ANKRD62: variants seen among roughly 807,000 people sequenced by gnomAD.
The protein encoded by ANKRD62 is ankyrin repeat domain-containing protein 62.
ANKRD62 carries 61 observed loss-of-function variants against 98.8 expected under a neutral mutation model. That is an observed-to-expected ratio of 0.62 (90% CI 0.50 to 0.76). ANKRD62 has a LOEUF of 0.76. Ranked by LOEUF, ANKRD62 falls within the 30% of genes least tolerant of loss-of-function variation. The pLI is 0.00. For synonymous variants in ANKRD62, 341 were observed against 367.9 expected (o/e 0.93, Z 0.84); for missense variants, 933 against 1,082.9 (o/e 0.86, Z 1.94).
chr18:12,135,957 C>G, the ANKRD62 span, among the ~76,000 whole-genome samples: 1 of 151,970 alleles, frequency 6.6e-6, no homozygotes, highest in Admixed American at 6.6e-5. Flanking sequence ...TTTGTCAGAT[C>G]AGTAGATTTC....
chr18:12,175,587 C>T, the ANKRD62 span, among the ~76,000 whole-genome samples: 14 of 152,090 alleles, frequency 9.2e-5, no homozygotes, highest in African/African-American at 3.1e-4. Context: ...GTGCTGGAGC[C>T]CTCTTCTAGT....
chr18:12,161,026 A>G, the ANKRD62 span, among the ~76,000 whole-genome samples: 1 of 152,126 alleles, frequency 6.6e-6, no homozygotes, highest in East Asian at 1.9e-4. Flanking sequence ...AAGTGATTCT[A>G]TTTGGTAGAA....
At chr18:12,109,588 G>A (rs148950982) in intron 8 of ANKRD62, among the ~76,000 whole-genome samples, 1 of 152,144 alleles carries the variant, frequency 6.6e-6, no homozygotes, top group South Asian at 2.1e-4. Context: ...TAAAATTGTT[G>A]TTTTTCTCAA....
intron 8 of ANKRD62, among the ~76,000 whole-genome samples, chr18:12,114,482 T>C (rs1909616132): frequency 1.3e-5 from 2 of 152,236 alleles, no homozygotes; most frequent in Non-Finnish European, 2.9e-5. Context: ...CTTAGTCTGC[T>C]ATTGAACAGT....
chr18:12,106,194 G>T (rs531525117), intron 7 of ANKRD62, among the ~76,000 whole-genome samples: 3 of 152,208 alleles, frequency 2.0e-5, no homozygotes, highest in African/African-American at 4.8e-5. Flanking sequence ...CACAACTTCC[G>T]CATGTTTCTG....
At chr18:12,127,376 G>A (rs1909913954) in intron 13 of ANKRD62, among the ~76,000 whole-genome samples, 1 of 152,176 alleles carries the variant, frequency 6.6e-6, no homozygotes, top group Non-Finnish European at 1.5e-5. Flanking sequence ...AATATGTGAA[G>A]AACTCTGAGG....
At chr18:12,155,127 A>G in the ANKRD62 span, among the ~76,000 whole-genome samples, 2 of 152,256 alleles carry the variant, frequency 1.3e-5, no homozygotes, top group African/African-American at 2.4e-5. Flanking sequence ...ATAGATGTTA[A>G]CAACAACAAA....
At chr18:12,181,037 G>A in the ANKRD62 span, among the ~76,000 whole-genome samples, 4 of 150,320 alleles carry the variant, frequency 2.7e-5, no homozygotes, top group African/African-American at 9.8e-5. Context: ...AGAACATGTG[G>A]TGTAAAACAA....
intron 8 of ANKRD62, among the ~76,000 whole-genome samples, chr18:12,114,109 A>G (rs1909607101): frequency 6.6e-6 from 1 of 152,194 alleles, no homozygotes; most frequent in Admixed American, 6.5e-5. Flanking sequence ...ACACATTGAT[A>G]GGAGCAAAAC....
At chr18:12,150,973 A>G in the ANKRD62 span, among the ~76,000 whole-genome samples, 1 of 152,238 alleles carries the variant, frequency 6.6e-6, no homozygotes, top group Non-Finnish European at 1.5e-5. Context: ...AATACCCTTC[A>G]CTAAAAAGGC....
the ANKRD62 span, among the ~76,000 whole-genome samples, chr18:12,172,756 C>T: frequency 5.1e-3 from 774 of 152,302 alleles, 4 homozygotes; most frequent in African/African-American, 0.017. Flanking sequence ...TGGGCTCCAC[C>T]CAGGTCAAAC....
chr18:12,173,902 C>T, the ANKRD62 span, among the ~76,000 whole-genome samples: 2 of 152,346 alleles, frequency 1.3e-5, no homozygotes, highest in African/African-American at 2.4e-5. Flanking sequence ...GCTGACCTTT[C>T]TCTCTAGCTG....
intron 8 of ANKRD62, among the ~76,000 whole-genome samples, chr18:12,113,114 C>T (rs1909583215): frequency 6.6e-6 from 1 of 151,918 alleles, no homozygotes; most frequent in Non-Finnish European, 1.5e-5. Flanking sequence ...AGGCTGGTCT[C>T]GAACTCCTGA....
intron 10 of ANKRD62, among the ~76,000 whole-genome samples, chr18:12,118,894 C>T (rs1909725563): frequency 6.6e-6 from 1 of 152,066 alleles, no homozygotes; most frequent in Non-Finnish European, 1.5e-5. Flanking sequence ...CAGGGTAATG[C>T]TAACATTAAA....
At chr18:12,134,616 C>T (rs146302772), downstream of ANKRD62, among the ~76,000 whole-genome samples, 280 of 152,098 alleles carry the variant, frequency 1.8e-3, no homozygotes, top group African/African-American at 6.3e-3. Context: ...TGAGTGAGAA[C>T]ATGCGGTGTT....
chr18:12,129,140 TA>T lies in ANKRD62; in HGVS notation c.*1202del, dbSNP rs779035041. On this transcript the variant is annotated 3_prime_UTR_variant, in exon 14 of 14. Coordinates refer to ENST00000587848, the MANE Select transcript of ANKRD62 (RefSeq NM_001277333.2). ...AACAGACAAAAAAGAAATGAAATTATAGTTGATATAGTGGTGTTTGGAATTG... is the reference window on the plus strand; with the variant it reads ...AACAGACAAAAAAGAAATGAAATTATGTTGATATAGTGGTGTTTGGAATTG... The T allele has an allele frequency of 2.0e-5, 3 of 152,184 alleles. No homozygotes were observed. The highest frequency in any genetic ancestry group is 4.4e-5 in the Non-Finnish European group (3 of 68,048). The allele number at this position is 152,184 out of a possible 1,614,324, so 9.4% of individuals were successfully genotyped here. A position where few individuals can be genotyped will look rare whatever the true frequency, so the allele number is the denominator to read the frequency against.
chr18:12,181,550 A>G, the ANKRD62 span, among the ~76,000 whole-genome samples: 1 of 152,234 alleles, frequency 6.6e-6, no homozygotes, highest in South Asian at 2.1e-4. Flanking sequence ...AAGTTCACCC[A>G]ACTATAAAGG....
At chr18:12,135,896 T>G in the ANKRD62 span, among the ~76,000 whole-genome samples, 2 of 145,516 alleles carry the variant, frequency 1.4e-5, no homozygotes, top group Non-Finnish European at 2.9e-5. Flanking sequence ...GGTTGTTTGT[T>G]TTTTTCTTGT....
In ANKRD62 at chr18:12,097,724, A is replaced by G. The variant is rs761838564; in HGVS notation, c.699A>G (p.Gln233=). 6.5e-7 allele frequency: 1 copy of G among 1,536,112 alleles called. No homozygotes were observed. The highest frequency in any genetic ancestry group is 1.2e-5 in the South Asian group (1 of 84,038). Residue 233 remains glutamine, a synonymous_variant, in exon 5 of 14, where the codon CAA becomes CAG. Transcript: ENST00000587848. The part of the protein sequence containing the change: ...LLQHNIDVFC[Q]DISGWTAEDY... ...AGCACAATATTGATGTCTTTTGCCA[A>G]GATATATCTGGATGGACTGCAGAAG...
Sources: allele counts gnomAD v4.1 joint callset (sites outside exome capture counted in the v4.1 genomes callset), GRCh38; gene constraint gnomAD v4.1.1; transcripts MANE v1.5; gene names NCBI Gene and HGNC (gene_info 2026-07-23, HGNC 2026-07-21).